DENND5A: variants seen among roughly 807,000 people sequenced by gnomAD.
DENND5A encodes DENN domain-containing protein 5A.
A neutral mutation model predicts 140.3 loss-of-function variants in DENND5A; 64 were observed. The observed-to-expected ratio is 0.46, with a 90% CI of 0.37 to 0.56. The LOEUF (loss-of-function observed/expected upper bound fraction) is 0.56, where lower values mean the gene tolerates loss of function less well. DENND5A is among the 20% of genes least tolerant of loss of function. The pLI is 0.00. For synonymous variants in DENND5A, 605 were observed against 607.7 expected (o/e 1.00, Z 0.07); for missense variants, 1,292 against 1,593.8 (o/e 0.81, Z 3.22).
intron 22 of DENND5A, 48 bp downstream of exon 22, chr11:9,141,892 A>G: frequency 6.7e-7 from 1 of 1,499,872 alleles, no homozygotes; most frequent in Non-Finnish European, 8.9e-7. Context: ...CTCCAACACC[A>G]CCACCAAGGC....
At chr11:9,193,281 C>T (rs1247123886) in intron 5 of DENND5A, among the ~76,000 whole-genome samples, 1 of 152,168 alleles carries the variant, frequency 6.6e-6, no homozygotes, top group African/African-American at 2.4e-5. Context: ...TTACAATGTA[C>T]ATATGTCAGT....
intron 1 of DENND5A, among the ~76,000 whole-genome samples, chr11:9,261,852 AG>A (rs1388864022): frequency 6.6e-6 from 1 of 151,716 alleles, no homozygotes; most frequent in Non-Finnish European, 1.5e-5. Context: ...TGAAATGAAG[AG>A]GGAAAAAAAA....
intron 15 of DENND5A, among the ~76,000 whole-genome samples, chr11:9,147,562 C>T (rs933683743): frequency 5.9e-5 from 9 of 152,116 alleles, no homozygotes; most frequent in Admixed American, 5.9e-4. Flanking sequence ...CATTCATCAC[C>T]AGGCCTAGTT....
intron 6 of DENND5A, among the ~76,000 whole-genome samples, chr11:9,179,613 C>T (rs1206107354): frequency 6.6e-6 from 1 of 151,786 alleles, no homozygotes; most frequent in African/African-American, 2.4e-5. Context: ...GATTCTCCTA[C>T]CTCACCCTCC....
At chr11:9,150,996 A>G (rs541066233) in intron 13 of DENND5A, among the ~76,000 whole-genome samples, 1 of 152,368 alleles carries the variant, frequency 6.6e-6, no homozygotes, top group South Asian at 2.1e-4. Context: ...GCCAAAAAAG[A>G]TATCACAATT....
intron 1 of DENND5A, among the ~76,000 whole-genome samples, chr11:9,263,628 G>C (rs950622350): frequency 3.4e-5 from 5 of 146,006 alleles, no homozygotes; most frequent in Non-Finnish European, 6.1e-5. Flanking sequence ...GGATCATGAG[G>C]TCAGGAGATC....
At chr11:9,242,304 A>C (rs1465294581) in intron 1 of DENND5A, 1 of 152,178 alleles carries the variant, frequency 6.6e-6, no homozygotes, top group Non-Finnish European at 1.5e-5. Context: ...GAGAAAACTA[A>C]CTTTGAGATC....
rs556256794 is a variant in DENND5A, at chr11:9,195,307, C to T, written c.950-1626G>A. Among the ~76,000 whole-genome samples, 12 of 150,818 alleles carry T rather than the reference C, an allele frequency of 8.0e-5. No homozygotes were observed. In the South Asian group the frequency reaches 2.3e-3, roughly 29 times the overall value. ...GTCAGGCTGGTCACGAACTCCCAAC[C>T]TCAGGTGATCCGCCTGCCTCGGCCT... On this transcript the variant is annotated intron_variant, in intron 4 of 22. Coordinates refer to ENST00000328194, the MANE Select transcript of DENND5A (RefSeq NM_015213.4).
At chr11:9,146,840 G>C in intron 16 of DENND5A, 190 bp downstream of exon 16, 1 of 622,918 alleles carries the variant, frequency 1.6e-6, no homozygotes, top group Admixed American at 3.0e-5. Context: ...TTCAGAACAA[G>C]AATGAGAAAC....
intron 1 of DENND5A, among the ~76,000 whole-genome samples, chr11:9,213,871 C>T (rs1007311278): frequency 6.7e-6 from 1 of 150,218 alleles, no homozygotes; most frequent in African/African-American, 2.4e-5. Context: ...TCTCCTGTTT[C>T]AGTATCACAT....
intron 5 of DENND5A, among the ~76,000 whole-genome samples, chr11:9,184,243 C>A (rs1381048513): frequency 6.6e-6 from 1 of 151,966 alleles, no homozygotes; most frequent in African/African-American, 2.4e-5. Flanking sequence ...GTCCCAGCTA[C>A]TTGGAAGGCT....
intron 1 of DENND5A, among the ~76,000 whole-genome samples, chr11:9,252,693 C>T (rs1159283658): frequency 6.6e-6 from 1 of 152,088 alleles, no homozygotes; most frequent in Non-Finnish European, 1.5e-5. Context: ...TCACCAGCTT[C>T]TGAAAGGCAA....
At chr11:9,153,998 T>C (rs544670708) in intron 12 of DENND5A, among the ~76,000 whole-genome samples, 1 of 152,342 alleles carries the variant, frequency 6.6e-6, no homozygotes, top group East Asian at 1.9e-4. Context: ...GATAACTTTA[T>C]TTCAGATTCA....
intron 1 of DENND5A, among the ~76,000 whole-genome samples, chr11:9,228,802 A>C (rs1297151576): frequency 3.3e-5 from 5 of 152,020 alleles, no homozygotes; most frequent in African/African-American, 1.2e-4. Flanking sequence ...TGGTGCACTC[A>C]GCGTGAGCAC....
At chr11:9,156,797 C>T (rs527411617) in intron 12 of DENND5A, among the ~76,000 whole-genome samples, 6 of 145,966 alleles carry the variant, frequency 4.1e-5, no homozygotes, top group Non-Finnish European at 7.5e-5. Flanking sequence ...GCGAGACTCT[C>T]GAAGGAAAGA....
chr11:9,224,856 C>CAA (rs1003433174), intron 1 of DENND5A, among the ~76,000 whole-genome samples: 5 of 93,998 alleles, frequency 5.3e-5, no homozygotes, highest in South Asian at 3.5e-4. Flanking sequence ...AGACTCCATC[C>CAA]AAAAAAAAAA....
At chr11:9,163,450 T>C (rs1449261893) in intron 11 of DENND5A, among the ~76,000 whole-genome samples, 2 of 152,198 alleles carry the variant, frequency 1.3e-5, no homozygotes, top group African/African-American at 4.8e-5. Context: ...TTCACAGTCA[T>C]CATTGGCTAG....
At chr11:9,180,301 A>G (rs1042512194) in intron 6 of DENND5A, among the ~76,000 whole-genome samples, 2 of 152,020 alleles carry the variant, frequency 1.3e-5, no homozygotes, top group African/African-American at 4.8e-5. Context: ...AAAAAAAATA[A>G]TAATAATTGG....
chr11:9,154,722 A>G (rs1847745907), intron 12 of DENND5A, among the ~76,000 whole-genome samples: 1 of 150,822 alleles, frequency 6.6e-6, no homozygotes, highest in East Asian at 1.9e-4. Flanking sequence ...CAAATAACAA[A>G]TATTTGAAAA....
Sources: allele counts gnomAD v4.1 joint callset (sites outside exome capture counted in the v4.1 genomes callset), GRCh38; gene constraint gnomAD v4.1.1; transcripts MANE v1.5; gene names NCBI Gene and HGNC (gene_info 2026-07-23, HGNC 2026-07-21).